HDAC9: variants seen among roughly 807,000 people sequenced by gnomAD.
HDAC9 encodes the protein MEF-2 interacting transcription repressor (MITR) protein.
A neutral mutation model predicts 139.4 loss-of-function variants in HDAC9; 41 were observed. The observed-to-expected ratio is 0.29, with a 90% confidence interval of 0.23 to 0.38. The LOEUF (loss-of-function observed/expected upper bound fraction) is 0.38. Ranked by LOEUF, HDAC9 falls within the 10% of genes least tolerant of loss-of-function variation. The probability of loss-of-function intolerance (pLI) is 1.00; values close to 1 mark genes in which losing one functional copy is unlikely to be tolerated. For synonymous variants in HDAC9, 517 were observed against 476.2 expected (o/e 1.09, Z -1.12); for missense variants, 1,147 against 1,297.0 (o/e 0.88, Z 1.78).
chr7:18,391,159 C>A (rs1031012153), intron 1 of HDAC9, among the ~76,000 whole-genome samples: 1 of 152,010 alleles, frequency 6.6e-6, no homozygotes, highest in African/African-American at 2.4e-5. Flanking sequence ...CTGAGGTGAG[C>A]AGATCACCTG....
At chr7:18,789,058 A>G (rs192750598) in intron 16 of HDAC9, among the ~76,000 whole-genome samples, 1 of 152,250 alleles carries the variant, frequency 6.6e-6, no homozygotes, top group East Asian at 1.9e-4. Context: ...TATTCTTTCG[A>G]TGCTATCACT....
At chr7:18,306,638 T>C (rs1798928318) in intron 1 of HDAC9, among the ~76,000 whole-genome samples, 1 of 152,218 alleles carries the variant, frequency 6.6e-6, no homozygotes, top group Non-Finnish European at 1.5e-5. Flanking sequence ...GTAATTACTT[T>C]TCTTCAACGC....
intron 17 of HDAC9, among the ~76,000 whole-genome samples, chr7:18,815,638 G>A (rs1203919374): frequency 2.0e-5 from 3 of 152,188 alleles, no homozygotes; most frequent in Non-Finnish European, 4.4e-5. Flanking sequence ...GCAGATGCCA[G>A]GCTTCTTAAG....
rs1444287178 is a variant in HDAC9 at position 18,998,975 on chromosome 7, G to T, written c.*2913G>T. On this transcript the variant is annotated 3_prime_UTR_variant, in exon 26 of 26. Transcript: ENST00000686413. ...AAAACACAGACAGTTTTATTAAATA[G>T]TAACCAAAATGGACTCAAATAAAAC... 6.6e-6 allele frequency: 1 copy of T among 152,134 alleles called. No individual in the cohort carries two copies. The highest frequency in any genetic ancestry group is 1.5e-5 in the Non-Finnish European group (1 of 68,016). The allele number at this position is 152,134 out of a possible 1,614,324, so 9.4% of individuals were successfully genotyped here.
At chr7:18,595,314 C>A (rs963892075) in intron 6 of HDAC9, among the ~76,000 whole-genome samples, 1 of 151,604 alleles carries the variant, frequency 6.6e-6, no homozygotes, top group African/African-American at 2.4e-5. Flanking sequence ...TTATGTATTG[C>A]ATCAGAATTC....
At chr7:18,945,905 TGC>T (rs1400845049) in intron 23 of HDAC9, among the ~76,000 whole-genome samples, 3 of 151,016 alleles carry the variant, frequency 2.0e-5, no homozygotes, top group Admixed American at 2.0e-4. Flanking sequence ...GGCGTGGTGG[TGC>T]GCACCTGTAT....
chr7:18,531,251 A>G (rs1392988264), intron 2 of HDAC9, among the ~76,000 whole-genome samples: 1 of 152,082 alleles, frequency 6.6e-6, no homozygotes, highest in Non-Finnish European at 1.5e-5. Context: ...AGTTGTTGAG[A>G]TATGTGTGGA....
chr7:18,460,543 C>T (rs1326450759), intron 1 of HDAC9, among the ~76,000 whole-genome samples: 1 of 151,832 alleles, frequency 6.6e-6, no homozygotes, highest in Non-Finnish European at 1.5e-5. Flanking sequence ...CCAGCACTTT[C>T]AGAGGCTGAG....
At chr7:18,833,487 T>C (rs554763034) in intron 19 of HDAC9, among the ~76,000 whole-genome samples, 12 of 152,222 alleles carry the variant, frequency 7.9e-5, no homozygotes, top group Non-Finnish European at 1.6e-4. Context: ...ATCCCCTTAA[T>C]GTTGTTTTTC....
chr7:18,890,330 G>T (rs1800566481), intron 22 of HDAC9, among the ~76,000 whole-genome samples: 1 of 152,130 alleles, frequency 6.6e-6, no homozygotes, highest in South Asian at 2.1e-4. Context: ...ACTTTTAAAT[G>T]CTTCAAACCA....
At chr7:18,197,730 C>T (rs1470664858) in intron 2 of HDAC9, among the ~76,000 whole-genome samples, 1 of 152,110 alleles carries the variant, frequency 6.6e-6, no homozygotes, top group Non-Finnish European at 1.5e-5. Flanking sequence ...CTCCATGAGG[C>T]CAACAATTTA....
At chr7:18,301,802 T>C (rs762821694) in intron 1 of HDAC9, among the ~76,000 whole-genome samples, 2 of 152,214 alleles carry the variant, frequency 1.3e-5, no homozygotes, top group Non-Finnish European at 2.9e-5. Context: ...GAATGAATGA[T>C]GCAGTGGATA....
At chr7:18,392,276 CTCTCTCTCTCTCTG>C (rs1585576536) in intron 1 of HDAC9, among the ~76,000 whole-genome samples, 2 of 144,284 alleles carry the variant, frequency 1.4e-5, no homozygotes, top group South Asian at 4.5e-4. Context: ...CTCTGTCACT[CTCTCTCTCTCTCTG>C]TCTCTCTCTC....
At chr7:18,793,278 C>A in intron 16 of HDAC9, 67 bp from the exon 17 acceptor site, 1 of 1,090,600 alleles carries the variant, frequency 9.2e-7, no homozygotes. Context: ...CCCTTTTACC[C>A]CTTTCATCTC....
At chr7:18,315,331 C>A (rs754270310) in intron 1 of HDAC9, among the ~76,000 whole-genome samples, 4 of 152,046 alleles carry the variant, frequency 2.6e-5, no homozygotes, top group Non-Finnish European at 4.4e-5. Context: ...ATGTTATGAT[C>A]GTCCCTTTAG....
At chr7:18,871,874 G>C (rs1798943550) in intron 21 of HDAC9, among the ~76,000 whole-genome samples, 1 of 152,150 alleles carries the variant, frequency 6.6e-6, no homozygotes, top group South Asian at 2.1e-4. Context: ...GAGAACAAGA[G>C]TTTAATGCTG....
chr7:18,890,635 G>C (rs1800598910), intron 22 of HDAC9, among the ~76,000 whole-genome samples: 1 of 152,138 alleles, frequency 6.6e-6, no homozygotes, highest in Non-Finnish European at 1.5e-5. Context: ...TAAATACAAA[G>C]AATGAAACAG....
chr7:18,629,062 C>T (rs1225212588), intron 6 of HDAC9, among the ~76,000 whole-genome samples: 2 of 152,060 alleles, frequency 1.3e-5, no homozygotes, highest in Non-Finnish European at 2.9e-5. Flanking sequence ...CATTAACAAT[C>T]CCAAATCTGC....
At chr7:18,987,023 T>C (rs900402376) in intron 25 of HDAC9, among the ~76,000 whole-genome samples, 2 of 152,200 alleles carry the variant, frequency 1.3e-5, no homozygotes, top group African/African-American at 4.8e-5. Context: ...ACAGGGACAA[T>C]TTGACTTCCT....
Sources: allele counts gnomAD v4.1 joint callset (sites outside exome capture counted in the v4.1 genomes callset), GRCh38; gene constraint gnomAD v4.1.1; transcripts MANE v1.5; gene names NCBI Gene and HGNC (gene_info 2026-07-23, HGNC 2026-07-21).